The following GLIS1 variants were observed in gnomAD, a reference collection of about 807,000 sequenced individuals.
GLIS1 encodes GLIS family zinc finger 1.
In GLIS1, 24 loss-of-function variants were observed where a neutral mutation model predicts 63.8. The observed-to-expected ratio is 0.38, with a 90% CI of 0.27 to 0.53. The LOEUF (loss-of-function observed/expected upper bound fraction) is 0.53. Among genes scored for constraint, GLIS1 ranks in the 20% least tolerant of loss-of-function variants. The probability of loss-of-function intolerance (pLI) is 0.85; values close to 1 mark genes in which losing one functional copy is unlikely to be tolerated. For synonymous variants in GLIS1, 450 were observed against 482.5 expected (o/e 0.93, Z 0.88); for missense variants, 1,036 against 1,074.1 (o/e 0.96, Z 0.50).
intron 2 of GLIS1, among the ~76,000 whole-genome samples, chr1:53,686,991 T>C (rs1364196140): frequency 6.6e-6 from 1 of 152,088 alleles, no homozygotes; most frequent in African/African-American, 2.4e-5. Flanking sequence ...TCCAGAGCTG[T>C]GTATAGGAGG....
chr1:53,731,423 C>T (rs1278985345), intron 2 of GLIS1, among the ~76,000 whole-genome samples: 1 of 152,204 alleles, frequency 6.6e-6, no homozygotes, highest in Non-Finnish European at 1.5e-5. Flanking sequence ...CTCCTGCTGC[C>T]TTCCTTTGGG....
intron 2 of GLIS1, among the ~76,000 whole-genome samples, chr1:53,707,049 T>A (rs889053677): frequency 6.6e-6 from 1 of 152,102 alleles, no homozygotes; most frequent in African/African-American, 2.4e-5. Flanking sequence ...AGTAAGGACA[T>A]TCCCCCCGAC....
intron 2 of GLIS1, among the ~76,000 whole-genome samples, chr1:53,653,992 C>G (rs1278185406): frequency 6.6e-6 from 1 of 152,192 alleles, no homozygotes; most frequent in Non-Finnish European, 1.5e-5. Flanking sequence ...CCAGTCAAAG[C>G]ACTGCCATCC....
intron 2 of GLIS1, among the ~76,000 whole-genome samples, chr1:53,650,918 C>T (rs887617396): frequency 1.3e-5 from 2 of 152,148 alleles, no homozygotes. Flanking sequence ...TCTCAGGCAT[C>T]GAACACTGGC....
chr1:53,681,701 C>A (rs1646277041), intron 2 of GLIS1, among the ~76,000 whole-genome samples: 1 of 152,242 alleles, frequency 6.6e-6, no homozygotes, highest in Non-Finnish European at 1.5e-5. Flanking sequence ...GTGGTAACCA[C>A]CCCACAAAGA....
At chr1:53,685,295 G>A (rs1646322596) in intron 2 of GLIS1, among the ~76,000 whole-genome samples, 1 of 152,180 alleles carries the variant, frequency 6.6e-6, no homozygotes, top group Non-Finnish European at 1.5e-5. Flanking sequence ...CACTCCCTTT[G>A]GAGCCCGCGG....
chr1:53,627,910 G>A (rs1230793590), intron 2 of GLIS1, among the ~76,000 whole-genome samples: 1 of 152,196 alleles, frequency 6.6e-6, no homozygotes, highest in Non-Finnish European at 1.5e-5. Context: ...ACCCCAAGAT[G>A]CTCCAAGATA....
rs985659355 is a variant in GLIS1, at chr1:53,610,471, T to G, written c.260-10193A>C. Among the ~76,000 whole-genome samples, 4 of 152,266 alleles carry G rather than the reference T, an allele frequency of 2.6e-5. No individual in the cohort carries two copies. The South Asian group carries it at 6.2e-4, about 24-fold the overall frequency. Reference sequence around the variant, plus strand: ...ATAGAATTCTAAGTTGGCAGTTATCTTCTTTCCATATATTATGGATTTATG... The same window carrying G: ...ATAGAATTCTAAGTTGGCAGTTATCGTCTTTCCATATATTATGGATTTATG... On this transcript the variant is annotated intron_variant, in intron 2 of 10. Coordinates refer to ENST00000628545, the MANE Select transcript of GLIS1 (RefSeq NM_001367484.1).
chr1:53,649,678 G>T (rs774639280), intron 2 of GLIS1, among the ~76,000 whole-genome samples: 1 of 152,084 alleles, frequency 6.6e-6, no homozygotes, highest in Non-Finnish European at 1.5e-5. Flanking sequence ...CATTTCAGAC[G>T]GTTCATCTTG....
chr1:53,724,382 A>C (rs868355743), intron 2 of GLIS1, among the ~76,000 whole-genome samples: 1 of 152,252 alleles, frequency 6.6e-6, no homozygotes, highest in African/African-American at 2.4e-5. Flanking sequence ...CCATGTGTCT[A>C]CTGAGCACTT....
rs1419694536 is a variant in GLIS1, at chr1:53,526,532, C to T, written c.1483-1645G>A. 3.3e-5 allele frequency among the ~76,000 whole-genome samples: 5 copies of T among 151,332 alleles called. No individual in the cohort carries two copies. Among genetic ancestry groups the T allele is most frequent in the African/African-American group, 1.2e-4 (5 of 41,122 alleles). On this transcript the variant is annotated intron_variant, in intron 5 of 10. Coordinates refer to ENST00000628545, the MANE Select transcript of GLIS1 (RefSeq NM_001367484.1). This position sits in a 1 kb window ranked among gnomAD's most constrained non-coding sequence, Gnocchi z 4.4. ...CTCCCTCTCTCACACACCATACACA[C>T]ACACACACACACACACACACAAAAC...
intron 2 of GLIS1, among the ~76,000 whole-genome samples, chr1:53,622,078 C>T (rs114551451): frequency 0.019 from 2,932 of 152,050 alleles, 91 homozygotes; most frequent in African/African-American, 0.067. Flanking sequence ...GCCACTGCGT[C>T]CGGCCTCATA....
chr1:53,638,444 C>T (rs1431793938), intron 2 of GLIS1, among the ~76,000 whole-genome samples: 2 of 152,062 alleles, frequency 1.3e-5, no homozygotes, highest in Admixed American at 1.3e-4. Flanking sequence ...CGCAGAGACC[C>T]ACACAGGGTT....
Position 53,506,788 on chromosome 1 carries a change from T to C in GLIS1, c.2231-12A>G, listed in dbSNP as rs373905477. 2.5e-6 allele frequency: 4 copies of C among 1,606,214 alleles called. No homozygotes were observed. In the Admixed American group the frequency reaches 6.7e-5, roughly 27 times the overall value. ...CAGGGCCTCATAGCCTGTGAGTGGT[T>C]GGGAAAGGGTCAGCGCTGGAGGCAG... On this transcript the variant is annotated splice_polypyrimidine_tract_variant and intron_variant, in intron 10 of 10. Coordinates refer to ENST00000628545, the MANE Select transcript of GLIS1 (RefSeq NM_001367484.1).
intron 4 of GLIS1, among the ~76,000 whole-genome samples, chr1:53,573,548 T>C (rs757861531): frequency 2.0e-5 from 3 of 152,176 alleles, no homozygotes; most frequent in Non-Finnish European, 4.4e-5. Flanking sequence ...CAGCCACACG[T>C]ACACATAGTT....
intron 4 of GLIS1, among the ~76,000 whole-genome samples, chr1:53,588,871 TAC>T (rs934185027): frequency 1.3e-5 from 2 of 152,222 alleles, no homozygotes; most frequent in African/African-American, 4.8e-5. Flanking sequence ...TTCAGAAACA[TAC>T]AGTTTCTTCT....
intron 2 of GLIS1, among the ~76,000 whole-genome samples, chr1:53,614,359 G>A (rs1028815797): frequency 6.6e-6 from 1 of 152,166 alleles, no homozygotes. Context: ...GGCCTGAGGG[G>A]AGGGAGGGCA....
chr1:53,686,008 A>G (rs1408917414), intron 2 of GLIS1, among the ~76,000 whole-genome samples: 1 of 151,678 alleles, frequency 6.6e-6, no homozygotes, highest in East Asian at 1.9e-4. Context: ...CCTGCCCTTC[A>G]TCTAGTTTCA....
chr1:53,703,862 C>T lies in GLIS1; in HGVS notation c.259+33944G>A, dbSNP rs571889310. On this transcript the variant is annotated intron_variant, in intron 2 of 10. Transcript: ENST00000628545. ...CAGCCCCTCACTGGTAAAATTGGTG[C>T]TGAATGGGCCCATCACTACACAGAC... 5.9e-5 allele frequency among the ~76,000 whole-genome samples: 9 copies of T among 152,248 alleles called. No individual in the cohort carries two copies. In the East Asian group the frequency reaches 1.7e-3, roughly 29 times the overall value.
Sources: allele counts gnomAD v4.1 joint callset (sites outside exome capture counted in the v4.1 genomes callset), GRCh38; gene constraint gnomAD v4.1.1; non-coding constraint Gnocchi (gnomAD v3.1); transcripts MANE v1.5; gene names NCBI Gene and HGNC (gene_info 2026-07-23, HGNC 2026-07-21).